The following LCOR variants were observed in gnomAD, a reference collection of about 807,000 sequenced individuals.
The protein encoded by LCOR is ligand dependent nuclear receptor corepressor, also known as ligand-dependent corepressor.
In LCOR, 14 loss-of-function variants were observed where a neutral mutation model predicts 64.4. The observed-to-expected ratio is 0.22, with a 90% confidence interval of 0.14 to 0.34. LCOR has a LOEUF of 0.34. Among genes scored for constraint, LCOR ranks in the 10% least tolerant of loss-of-function variants. LCOR has a pLI of 1.00. For missense variants in LCOR, 1,686 were observed against 1,765.3 expected, an observed-to-expected ratio of 0.96 and a Z score of 0.80; for synonymous variants, 643 against 642.5, an observed-to-expected ratio of 1.00 and a Z score of -0.01.
At chr10:96,976,018 C>A (rs768363756) in intron 7 of LCOR, among the ~76,000 whole-genome samples, 1 of 151,992 alleles carries the variant, frequency 6.6e-6, no homozygotes, top group African/African-American at 2.4e-5. Flanking sequence ...ACACAAGACC[C>A]CGTGTAATTG....
At chr10:96,922,900 C>T (rs1257550575) in intron 4 of LCOR, among the ~76,000 whole-genome samples, 1 of 152,154 alleles carries the variant, frequency 6.6e-6, no homozygotes, top group East Asian at 1.9e-4. Context: ...GTATTTAACT[C>T]TTCAAGTGTG....
chr10:96,860,428 CAAGGATTGCT>C (rs1186025431), intron 2 of LCOR, among the ~76,000 whole-genome samples: 2 of 151,956 alleles, frequency 1.3e-5, no homozygotes, highest in African/African-American at 4.8e-5. Flanking sequence ...CAAGGATTGC[CAAGGATTGCT>C]GGCAACCACC....
chr10:96,919,675 G>A (rs1847014479), intron 4 of LCOR, among the ~76,000 whole-genome samples: 1 of 151,974 alleles, frequency 6.6e-6, no homozygotes, highest in Non-Finnish European at 1.5e-5. Context: ...CCTCTCTTTA[G>A]CCCCTGGCAA....
rs1225316627 is a variant in LCOR at position 96,985,803 on chromosome 10, A to G, written c.*669A>G. On this transcript the variant is annotated 3_prime_UTR_variant, in exon 8 of 8. Transcript: ENST00000421806. ...TGTCATTTGAGAGCATGTATTCTAAATTATGTGCCCATGGGACAAGAGATA... is the reference window on the plus strand; with the variant it reads ...TGTCATTTGAGAGCATGTATTCTAAGTTATGTGCCCATGGGACAAGAGATA... 3.6e-5 allele frequency: 6 copies of G among 167,198 alleles called. No homozygotes were observed. Among genetic ancestry groups the G allele is most frequent in the African/African-American group, 1.4e-4 (6 of 41,574 alleles). The allele number at this position is 167,198 out of a possible 1,614,324, so 10.4% of individuals were successfully genotyped here.
intron 4 of LCOR, among the ~76,000 whole-genome samples, chr10:96,941,103 G>A (rs1307795185): frequency 3.4e-4 from 46 of 134,316 alleles, no homozygotes; most frequent in African/African-American, 1.3e-3. Flanking sequence ...GGCTGGCCGG[G>A]CAGAGGGGCT....
At chr10:96,899,540 A>G (rs930584984) in intron 2 of LCOR, among the ~76,000 whole-genome samples, 20 of 152,112 alleles carry the variant, frequency 1.3e-4, no homozygotes, top group Admixed American at 1.3e-3. Flanking sequence ...TTCTCTCTAA[A>G]TACAGATCTT....
intron 2 of LCOR, among the ~76,000 whole-genome samples, chr10:96,893,522 T>G (rs969067837): frequency 6.6e-6 from 1 of 152,136 alleles, no homozygotes; most frequent in African/African-American, 2.4e-5. Flanking sequence ...CCCAGCACTT[T>G]GGGAGGCCGA....
intron 2 of LCOR, among the ~76,000 whole-genome samples, chr10:96,887,190 T>C (rs939572736): frequency 6.6e-6 from 1 of 152,216 alleles, no homozygotes; most frequent in Non-Finnish European, 1.5e-5. Flanking sequence ...CAAACTTTTA[T>C]AGTAGATATT....
chr10:96,912,758 A>T (rs756337760), intron 4 of LCOR, among the ~76,000 whole-genome samples: 13 of 151,816 alleles, frequency 8.6e-5, no homozygotes, highest in Non-Finnish European at 8.8e-5. Flanking sequence ...CACTAATTTT[A>T]GCATCCATTG....
chr10:96,926,431 A>G (rs1023602610), intron 4 of LCOR, among the ~76,000 whole-genome samples: 14 of 152,224 alleles, frequency 9.2e-5, no homozygotes, highest in Non-Finnish European at 1.5e-4. Flanking sequence ...TCTTTGTGAC[A>G]TATCTTTGTG....
intron 2 of LCOR, among the ~76,000 whole-genome samples, chr10:96,856,575 T>A (rs1845808524): frequency 1.3e-5 from 2 of 149,264 alleles, no homozygotes; most frequent in South Asian, 2.2e-4. Flanking sequence ...CTGTCACCCA[T>A]GCTGGAGTGC....
At chr10:96,835,982 A>G (rs545844152) in intron 2 of LCOR, among the ~76,000 whole-genome samples, 4 of 152,276 alleles carry the variant, frequency 2.6e-5, no homozygotes, top group East Asian at 1.9e-4. Flanking sequence ...TGCGCCTGAT[A>G]TGATGTAACC....
chr10:96,916,063 G>A (rs934786729), intron 4 of LCOR, among the ~76,000 whole-genome samples: 1 of 151,948 alleles, frequency 6.6e-6, no homozygotes, highest in Non-Finnish European at 1.5e-5. Context: ...ACGGAGTCTC[G>A]TTCTGTTGCC....
In LCOR at chr10:96,867,476, A is replaced by G. The variant is rs148602069; in HGVS notation, c.-330+33997A>G. ...GTTGGGTGTGGTGGCATGTACCAATAGTCCCAGCTACTCAGAAGACTGAGG... is the reference window on the plus strand; with the variant it reads ...GTTGGGTGTGGTGGCATGTACCAATGGTCCCAGCTACTCAGAAGACTGAGG... On this transcript the variant is annotated intron_variant, in intron 2 of 7. Coordinates refer to ENST00000421806, the MANE Select transcript of LCOR (RefSeq NM_001346516.2). Among the ~76,000 whole-genome samples the G allele has an allele frequency of 1.5e-3, 236 of 152,308 alleles. 8 individuals carry two copies. The East Asian group carries it at 0.042, about 27-fold the overall frequency.
At chr10:96,905,671 T>C (rs1385135838) in intron 2 of LCOR, among the ~76,000 whole-genome samples, 1 of 152,168 alleles carries the variant, frequency 6.6e-6, no homozygotes, top group East Asian at 1.9e-4. Context: ...TGGAATATAT[T>C]TTAATTTTAG....
At chr10:96,876,533 T>C (rs1405863145) in intron 2 of LCOR, among the ~76,000 whole-genome samples, 2 of 151,962 alleles carry the variant, frequency 1.3e-5, no homozygotes, top group African/African-American at 4.8e-5. Flanking sequence ...AAAAAGCAAA[T>C]AGAGAAAAAA....
At chr10:96,979,382 A>T (rs1312771610) in intron 7 of LCOR, among the ~76,000 whole-genome samples, 5 of 152,258 alleles carry the variant, frequency 3.3e-5, no homozygotes, top group Non-Finnish European at 7.3e-5. Context: ...TACAACCCAG[A>T]CATCCAGAAG....
chr10:96,919,246 A>G (rs1170974450), intron 4 of LCOR, among the ~76,000 whole-genome samples: 1 of 152,340 alleles, frequency 6.6e-6, no homozygotes, highest in East Asian at 1.9e-4. Context: ...AGAGTTCCAT[A>G]GAGCCTCAGT....
chr10:96,841,291 G>A (rs191100095), intron 2 of LCOR, among the ~76,000 whole-genome samples: 16 of 150,986 alleles, frequency 1.1e-4, no homozygotes, highest in Admixed American at 6.6e-4. Context: ...GAAAGTATCA[G>A]AAAATGTATT....
Sources: gnomAD v4.1 joint callset for allele counts (sites outside exome capture counted in the v4.1 genomes callset) on GRCh38, gnomAD v4.1.1 for gene constraint, MANE v1.5 for transcripts, NCBI Gene and HGNC (gene_info 2026-07-23, HGNC 2026-07-21) for gene names.